The following CCSER1 variants were observed in gnomAD, a reference collection of about 807,000 sequenced individuals.
CCSER1 encodes the protein coiled-coil serine rich protein 1.
CCSER1 carries 41 observed loss-of-function variants against 82.0 expected under a neutral mutation model. The ratio of observed to expected loss-of-function variants is 0.50; its 90% CI spans 0.39 to 0.65. The LOEUF (loss-of-function observed/expected upper bound fraction) is 0.65, where lower values mean the gene tolerates loss of function less well. Ranked by LOEUF, CCSER1 falls within the 30% of genes least tolerant of loss-of-function variation. CCSER1 has a pLI of 0.00. For synonymous variants in CCSER1, 414 were observed against 383.9 expected (o/e 1.08, Z -0.92); for missense variants, 1,119 against 1,064.2 (o/e 1.05, Z -0.72).
chr4:90,314,016 A>T (rs1735741880), intron 3 of CCSER1, among the ~76,000 whole-genome samples: 1 of 152,144 alleles, frequency 6.6e-6, no homozygotes, highest in Non-Finnish European at 1.5e-5. Flanking sequence ...GGTAATTGAG[A>T]TCTGATAATT....
chr4:90,212,305 T>A (rs1740169124), intron 1 of CCSER1, among the ~76,000 whole-genome samples: 1 of 152,174 alleles, frequency 6.6e-6, no homozygotes. Flanking sequence ...TTTCTTTAAA[T>A]GTATGATGGA....
At chr4:91,334,043 T>C (rs55983748) in intron 10 of CCSER1, among the ~76,000 whole-genome samples, 8,961 of 152,116 alleles carry the variant, frequency 0.059, 340 homozygotes, top group South Asian at 0.11. Context: ...AAGAGTTAAA[T>C]TGAACAATTT....
chr4:90,515,485 G>A (rs1772144502), intron 5 of CCSER1, among the ~76,000 whole-genome samples: 1 of 152,152 alleles, frequency 6.6e-6, no homozygotes, highest in African/African-American at 2.4e-5. Flanking sequence ...TGGTGCCCTA[G>A]TGATATTGAA....
Position 90,878,729 on chromosome 4 carries a change from G to T in CCSER1, c.2095-44641G>T, listed in dbSNP as rs147469203. On this transcript the variant is annotated intron_variant, in intron 8 of 10. Coordinates refer to ENST00000509176, the MANE Select transcript of CCSER1 (RefSeq NM_001145065.2). ...GAGATGCAAATGTACTCTAGAAGTG[G>T]ATGTTCTGTGTCTGAATCTCAACTA... Among the ~76,000 whole-genome samples, 329 of 152,276 alleles carry T rather than the reference G, an allele frequency of 2.2e-3. 2 individuals are homozygous for T. The highest frequency in any genetic ancestry group is 7.5e-3 in the African/African-American group (313 of 41,556).
At chr4:90,476,660 A>AT (rs1765160073) in intron 5 of CCSER1, among the ~76,000 whole-genome samples, 1 of 152,216 alleles carries the variant, frequency 6.6e-6, no homozygotes, top group African/African-American at 2.4e-5. Flanking sequence ...GAACCAATAG[A>AT]TTTTAATATG....
intron 5 of CCSER1, among the ~76,000 whole-genome samples, chr4:90,594,260 A>G (rs1018875040): frequency 6.6e-6 from 1 of 152,100 alleles, no homozygotes; most frequent in East Asian, 1.9e-4. Flanking sequence ...TCAGACTCCC[A>G]TCTCCCCACG....
chr4:91,349,779 T>C (rs1748346992), intron 10 of CCSER1, among the ~76,000 whole-genome samples: 1 of 136,300 alleles, frequency 7.3e-6, no homozygotes, highest in Admixed American at 6.8e-5. Flanking sequence ...TCATGAAAGT[T>C]TGGGGGCCTC....
intron 1 of CCSER1, among the ~76,000 whole-genome samples, chr4:90,217,771 C>T (rs1490378107): frequency 6.6e-6 from 1 of 151,974 alleles, no homozygotes; most frequent in Non-Finnish European, 1.5e-5. Flanking sequence ...TATATTCCTA[C>T]AATGCCTAAT....
At chr4:90,612,659 C>G (rs4440185) in intron 5 of CCSER1, among the ~76,000 whole-genome samples, 73,080 of 152,050 alleles carry the variant, frequency 0.48, 20,871 homozygotes, top group African/African-American at 0.8. Flanking sequence ...CCAAATGCAA[C>G]AGAAACTTGT....
At chr4:91,375,542 A>G (rs1375241422) in intron 10 of CCSER1, among the ~76,000 whole-genome samples, 1 of 151,244 alleles carries the variant, frequency 6.6e-6, no homozygotes, top group African/African-American at 2.4e-5. Context: ...TTTTAAGACA[A>G]CTAAAGCCAC....
chr4:91,406,674 C>A (rs1438003230), intron 10 of CCSER1, among the ~76,000 whole-genome samples: 1 of 152,104 alleles, frequency 6.6e-6, no homozygotes, highest in Non-Finnish European at 1.5e-5. Flanking sequence ...TTTCCTGGTA[C>A]ATAAATAAAA....
chr4:90,470,861 C>T (rs1764303550), intron 5 of CCSER1, among the ~76,000 whole-genome samples: 1 of 149,966 alleles, frequency 6.7e-6, no homozygotes, highest in Non-Finnish European at 1.5e-5. Context: ...GAAACAATCA[C>T]TATATCCAAA....
chr4:91,273,161 G>A (rs899607968), intron 10 of CCSER1, among the ~76,000 whole-genome samples: 7 of 151,778 alleles, frequency 4.6e-5, no homozygotes, highest in Non-Finnish European at 7.4e-5. Context: ...TATGGGAATT[G>A]TGCTGAATTT....
intron 4 of CCSER1, among the ~76,000 whole-genome samples, chr4:90,433,463 A>T (rs1234537465): frequency 1.3e-5 from 2 of 152,054 alleles, no homozygotes; most frequent in Non-Finnish European, 2.9e-5. Context: ...AGTCCCCAAG[A>T]CCATTTCTAG....
At chr4:91,439,340 GA>G (rs1453339977) in intron 10 of CCSER1, among the ~76,000 whole-genome samples, 1 of 152,040 alleles carries the variant, frequency 6.6e-6, no homozygotes, top group Non-Finnish European at 1.5e-5. Flanking sequence ...CATTCTTAAA[GA>G]AAAGAATTTT....
At chr4:91,456,411 G>A (rs531128726) in intron 10 of CCSER1, among the ~76,000 whole-genome samples, 2 of 152,158 alleles carry the variant, frequency 1.3e-5, no homozygotes, top group South Asian at 4.1e-4. Flanking sequence ...GAGGTAGGCA[G>A]ATGGAACAGA....
At chr4:90,396,258 C>T (rs1751940818) in intron 3 of CCSER1, among the ~76,000 whole-genome samples, 1 of 152,114 alleles carries the variant, frequency 6.6e-6, no homozygotes, top group Admixed American at 6.5e-5. Flanking sequence ...TAATTGCACC[C>T]TCTTATATTT....
At chr4:91,082,314 A>T (rs552879967) in intron 9 of CCSER1, among the ~76,000 whole-genome samples, 19 of 152,334 alleles carry the variant, frequency 1.2e-4, no homozygotes, top group African/African-American at 4.6e-4. Flanking sequence ...TGGGGAAAGG[A>T]TTCCCTATTT....
At chr4:91,091,499 G>A (rs1386147086) in intron 10 of CCSER1, among the ~76,000 whole-genome samples, 1 of 152,184 alleles carries the variant, frequency 6.6e-6, no homozygotes, top group Non-Finnish European at 1.5e-5. Context: ...CTCTGTGTGG[G>A]AAGAAGCAGT....
Sources: gnomAD v4.1 joint callset for allele counts (sites outside exome capture counted in the v4.1 genomes callset) on GRCh38, gnomAD v4.1.1 for gene constraint, MANE v1.5 for transcripts, NCBI Gene and HGNC (gene_info 2026-07-23, HGNC 2026-07-21) for gene names.